Variants in GHRH observed in about 807,000 individuals in gnomAD.
GHRH encodes the protein growth hormone releasing hormone.
GHRH carries 7 observed loss-of-function variants against 15.6 expected under a neutral mutation model. The ratio of observed to expected loss-of-function variants is 0.45; its 90% CI spans 0.26 to 0.84. GHRH has a LOEUF of 0.84. Among genes scored for constraint, GHRH ranks in the 40% least tolerant of loss-of-function variants. The pLI is 0.18. For missense variants in GHRH, 117 were observed against 138.0 expected, an observed-to-expected ratio of 0.85 and a Z score of 0.76; for synonymous variants, 54 against 50.4, an observed-to-expected ratio of 1.07 and a Z score of -0.30.
chr20:37,259,156 T>C (rs2068674692), intron 1 of GHRH, among the ~76,000 whole-genome samples: 1 of 152,160 alleles, frequency 6.6e-6, no homozygotes, highest in Admixed American at 6.5e-5. Flanking sequence ...AGAGAAAAGA[T>C]GAGAACACGG....
intron 1 of GHRH, among the ~76,000 whole-genome samples, chr20:37,259,666 GC>G (rs368547988): frequency 1.1e-3 from 166 of 152,258 alleles, no homozygotes; most frequent in African/African-American, 3.8e-3. Flanking sequence ...CAGCCCCTGT[GC>G]CCTATCAGGC....
intron 1 of GHRH, 57 bp from the exon 2 acceptor site, chr20:37,256,965 C>T (rs528450862): frequency 9.3e-7 from 1 of 1,072,184 alleles, no homozygotes; most frequent in South Asian, 1.3e-5. Flanking sequence ...GGATGGCCTT[C>T]ACTGGCCCAG....
In GHRH at chr20:37,256,827, T is replaced by C; in HGVS notation, c.63A>G (p.Pro21=). The C allele has an allele frequency of 6.2e-7, 1 of 1,611,442 alleles. No individual in the cohort carries two copies. ...LTLSNSSHCS[P]PPPLTLRMRR... ...CTTACCTGAGGGTCAAAGGGGGAGGTGGGGAGCAGTGGGAGCTGTTGCTGA... is the reference window on the plus strand; with the variant it reads ...CTTACCTGAGGGTCAAAGGGGGAGGCGGGGAGCAGTGGGAGCTGTTGCTGA... The change falls in exon 2 of 5, where the codon CCA becomes CCG. Residue 21 remains proline, a synonymous_variant. Coordinates refer to ENST00000373614, the MANE Select transcript of GHRH (RefSeq NM_021081.6).
intron 1 of GHRH, among the ~76,000 whole-genome samples, chr20:37,260,812 C>T (rs115978313): frequency 0.018 from 2,676 of 152,264 alleles, 82 homozygotes; most frequent in African/African-American, 0.062. Flanking sequence ...TCAGGATAAA[C>T]GGGCACTTGA....
rs1456310958 is a variant in GHRH at position 37,254,191 on chromosome 20, C to T, written c.308+19G>A. 6.2e-7 allele frequency: 1 copy of T among 1,613,954 alleles called. No individual in the cohort carries two copies. Among genetic ancestry groups the T allele is most frequent in the Admixed American group, 1.7e-5 (1 of 60,030 alleles). On this transcript the variant is annotated intron_variant, in intron 4 of 4. Coordinates refer to ENST00000373614, the MANE Select transcript of GHRH (RefSeq NM_021081.6). ...AAGCCCTGAAGTCCCTAGATGCACC[C>T]ATGCACACACACCCATACCTGTGCT...
intron 1 of GHRH, among the ~76,000 whole-genome samples, chr20:37,259,905 T>A (rs532114666): frequency 6.6e-6 from 1 of 152,238 alleles, no homozygotes; most frequent in East Asian, 1.9e-4. Flanking sequence ...GTATTCCCCA[T>A]TCACAGGGAT....
intron 1 of GHRH, among the ~76,000 whole-genome samples, chr20:37,257,513 CAAAA>C (rs35910164): frequency 3.1e-4 from 32 of 103,674 alleles, no homozygotes; most frequent in African/African-American, 6.2e-4. Context: ...GACCCTGTCT[CAAAA>C]AAAAAAAAAA....
rs971171623 is a variant in GHRH at position 37,255,283 on chromosome 20, A to G, written c.189-954T>C. Among the ~76,000 whole-genome samples the G allele has an allele frequency of 7.9e-5, 12 of 152,224 alleles. No individual in the cohort carries two copies. The East Asian group carries it at 2.3e-3, about 29-fold the overall frequency. ...TTTTGTAAGTTTGAGATTTTTTTCA[A>G]AGTAAAAACTAAAAAACGTATAGGC... On this transcript the variant is annotated intron_variant, in intron 3 of 4. Coordinates refer to ENST00000373614, the MANE Select transcript of GHRH (RefSeq NM_021081.6).
At position 37,254,202 on chromosome 20, in the gene GHRH, A is replaced by G; in HGVS notation, c.308+8T>C. 6.8e-6 allele frequency: 11 copies of G among 1,613,928 alleles called. No homozygotes were observed. Among genetic ancestry groups the G allele is most frequent in the Non-Finnish European group, 8.5e-6 (10 of 1,179,944 alleles). Reference sequence around the variant, plus strand: ...TCCCTAGATGCACCCATGCACACACACCCATACCTGTGCTTCTGCAGCAGG... The same window carrying G: ...TCCCTAGATGCACCCATGCACACACGCCCATACCTGTGCTTCTGCAGCAGG... On this transcript the variant is annotated splice_region_variant and intron_variant, in intron 4 of 4. Coordinates refer to ENST00000373614, the MANE Select transcript of GHRH (RefSeq NM_021081.6).
At chr20:37,251,295 A>G (rs376129438) in intron 4 of GHRH, 64 bp from the exon 5 acceptor site, 11 of 1,411,280 alleles carry the variant, frequency 7.8e-6, no homozygotes, top group African/African-American at 7.1e-5. Flanking sequence ...AGTGGGATGC[A>G]TGGAACCAGG....
At chr20:37,260,490 T>G (rs976918148) in intron 1 of GHRH, among the ~76,000 whole-genome samples, 2 of 151,980 alleles carry the variant, frequency 1.3e-5, no homozygotes, top group Admixed American at 1.3e-4. Flanking sequence ...GAGGCTGATG[T>G]GGGAGGATTG....
intron 1 of GHRH, among the ~76,000 whole-genome samples, chr20:37,260,509 CGGGA>C (rs2068682358): frequency 6.6e-6 from 1 of 152,044 alleles, no homozygotes; most frequent in African/African-American, 2.4e-5. Context: ...TGCTTGAGCC[CGGGA>C]GGTTAAGGCT....
At chr20:37,257,253 G>A (rs756304796) in intron 1 of GHRH, among the ~76,000 whole-genome samples, 19 of 152,236 alleles carry the variant, frequency 1.2e-4, no homozygotes, top group Non-Finnish European at 2.1e-4. Context: ...AGTGACTCAC[G>A]CCTGTAATCC....
chr20:37,255,585 C>T (rs190172882), intron 3 of GHRH, among the ~76,000 whole-genome samples: 32 of 133,980 alleles, frequency 2.4e-4, no homozygotes, highest in African/African-American at 8.0e-4. Context: ...GGTGTGAACC[C>T]GGGAGGGGGA....
chr20:37,252,856 T>C (rs892254847), intron 4 of GHRH, among the ~76,000 whole-genome samples: 1 of 152,036 alleles, frequency 6.6e-6, no homozygotes, highest in Non-Finnish European at 1.5e-5. Flanking sequence ...CTGGCCAACA[T>C]GGTGAAACCC....
chr20:37,255,301 G>T (rs540473175), intron 3 of GHRH, among the ~76,000 whole-genome samples: 2 of 152,008 alleles, frequency 1.3e-5, no homozygotes, highest in Non-Finnish European at 1.5e-5. Flanking sequence ...ACTAAAAAAC[G>T]TATAGGCTAT....
At chr20:37,254,391 T>G in intron 3 of GHRH, 62 bp from the exon 4 acceptor site, 2 of 1,558,070 alleles carry the variant, frequency 1.3e-6, no homozygotes, top group Non-Finnish European at 1.8e-6. Context: ...GGCAGGGGTA[T>G]ATCCCTATGC....
chr20:37,259,762 A>C (rs942561488), intron 1 of GHRH, among the ~76,000 whole-genome samples: 1 of 152,200 alleles, frequency 6.6e-6, no homozygotes, highest in African/African-American at 2.4e-5. Context: ...TAGAGAGGAC[A>C]AGGACATTTT....
intron 4 of GHRH, 145 bp downstream of exon 4, chr20:37,254,065 A>T: frequency 1.2e-6 from 1 of 818,984 alleles, no homozygotes; most frequent in Non-Finnish European, 2.0e-6. Flanking sequence ...CTAGTTCTTA[A>T]TGTCTGTCAG....
Sources: allele counts gnomAD v4.1 joint callset (sites outside exome capture counted in the v4.1 genomes callset), GRCh38; gene constraint gnomAD v4.1.1; transcripts MANE v1.5; gene names NCBI Gene and HGNC (gene_info 2026-07-23, HGNC 2026-07-21).